NLGN4X: variants seen among roughly 807,000 people sequenced by gnomAD.
The protein encoded by NLGN4X is neuroligin-4, X-linked.
Under a neutral mutation model 40.3 loss-of-function variants are expected in NLGN4X, and 3 were observed. The observed-to-expected ratio is 0.07, with a 90% CI of 0.03 to 0.19. The LOEUF (loss-of-function observed/expected upper bound fraction) is 0.19, where lower values mean the gene tolerates loss of function less well. Ranked by LOEUF, NLGN4X falls within the 10% of genes least tolerant of loss-of-function variation. The pLI is 1.00. For synonymous variants in NLGN4X, 270 were observed against 306.8 expected (o/e 0.88, Z 1.25); for missense variants, 382 against 708.3 (o/e 0.54, Z 5.23).
chrX:5,910,745 G>A (rs1465261460), intron 3 of NLGN4X, among the ~76,000 whole-genome samples: 3 of 111,413 alleles, frequency 2.7e-5, no homozygotes, highest in East Asian at 2.8e-4. Flanking sequence ...GTCACAGGAC[G>A]ATTTTCGTTC....
At chrX:6,003,856 G>A (rs192982392) in intron 3 of NLGN4X, among the ~76,000 whole-genome samples, 6 of 111,407 alleles carry the variant, frequency 5.4e-5, no homozygotes, top group African/African-American at 1.3e-4. Flanking sequence ...CAGGGGTTGC[G>A]GGCTACCCTC....
intron 1 of NLGN4X, among the ~76,000 whole-genome samples, chrX:6,205,356 C>G (rs1033513792): frequency 8.9e-6 from 1 of 112,287 alleles, no homozygotes; most frequent in Non-Finnish European, 1.9e-5. Flanking sequence ...CTGAGCAGCC[C>G]AGTGCCTGCC....
At chrX:6,142,627 G>A (rs1402148276) in intron 2 of NLGN4X, among the ~76,000 whole-genome samples, 1 of 112,126 alleles carries the variant, frequency 8.9e-6, no homozygotes, top group Non-Finnish European at 1.9e-5. Context: ...CCTATATTTT[G>A]TGACTGTATG....
At chrX:6,118,420 G>C (rs72609512) in intron 2 of NLGN4X, among the ~76,000 whole-genome samples, 9,798 of 111,311 alleles carry the variant, frequency 0.088, 353 homozygotes, top group East Asian at 0.17. Context: ...CAATCTCCCT[G>C]TTGTCAGCAC....
intron 3 of NLGN4X, among the ~76,000 whole-genome samples, chrX:5,943,318 T>C (rs180806072): frequency 5.7e-4 from 64 of 111,579 alleles, no homozygotes; most frequent in Non-Finnish European, 9.4e-4. Flanking sequence ...CAAATGTTCC[T>C]GGAAGTGGAT....
At chrX:6,024,578 T>TA (rs111543378) in intron 3 of NLGN4X, among the ~76,000 whole-genome samples, 13 of 108,006 alleles carry the variant, frequency 1.2e-4, no homozygotes, top group East Asian at 2.9e-4. Flanking sequence ...AAGGATGCAG[T>TA]AAAAAAAAAC....
At chrX:5,969,002 C>T (rs72627595) in intron 3 of NLGN4X, among the ~76,000 whole-genome samples, 19,021 of 110,889 alleles carry the variant, frequency 0.17, 1,223 homozygotes, top group East Asian at 0.27. Context: ...AACTTCCTTA[C>T]ACCTTACACA....
chrX:5,971,702 T>C (rs913587429), intron 3 of NLGN4X, among the ~76,000 whole-genome samples: 1 of 111,760 alleles, frequency 8.9e-6, no homozygotes, highest in Non-Finnish European at 1.9e-5. Context: ...AAATCCTCAT[T>C]TGGACATGCA....
rs1416129663 is a variant in NLGN4X at position 6,036,377 on chromosome X, T to C, written c.473-6945A>G. Among the ~76,000 whole-genome samples the C allele has an allele frequency of 3.6e-5, 4 of 111,727 alleles. No individual in the cohort carries two copies. In the East Asian group the frequency reaches 1.1e-3, roughly 31 times the overall value. On this transcript the variant is annotated intron_variant, in intron 2 of 5. Coordinates refer to ENST00000381095, the MANE Select transcript of NLGN4X (RefSeq NM_181332.3). ...GACCCAGAAACATAATTAGATGCTG[T>C]CTTTCCTGTTCTACGTATATTTAAT...
At position 6,228,813 on chromosome X, in the gene NLGN4X, T is replaced by C. The variant is rs1269387775; in HGVS notation, c.-578A>G. ...ATTGAAGCAGGAAGGGCCAAGCTAG[T>C]GGCTGAATAAGAGCTCTGTGCTAAG... On this transcript the variant is annotated 5_prime_UTR_variant, in exon 1 of 6. Transcript: ENST00000381095. 8.9e-6 allele frequency: 1 copy of C among 111,732 alleles called. No individual in the cohort carries two copies. Among genetic ancestry groups the C allele is most frequent in the Non-Finnish European group, 1.9e-5 (1 of 53,194 alleles). The allele number at this position is 111,732 out of a possible 1,213,427, so 9.2% of individuals were successfully genotyped here. A position where few individuals can be genotyped will look rare whatever the true frequency, so the allele number is the denominator to read the frequency against.
intron 2 of NLGN4X, among the ~76,000 whole-genome samples, chrX:6,126,459 T>G (rs979989640): frequency 3.6e-5 from 4 of 111,633 alleles, no homozygotes; most frequent in African/African-American, 9.8e-5. Context: ...ACCATGTAAT[T>G]TAACAGAAAA....
intron 3 of NLGN4X, among the ~76,000 whole-genome samples, chrX:6,016,945 T>A (rs1026676774): frequency 9.0e-6 from 1 of 111,543 alleles, no homozygotes; most frequent in Admixed American, 9.5e-5. Context: ...AGATAGTTAG[T>A]GGAAGCCTAT....
chrX:6,056,934 G>C (rs1251987882), intron 2 of NLGN4X, among the ~76,000 whole-genome samples: 2 of 111,923 alleles, frequency 1.8e-5, no homozygotes, highest in Non-Finnish European at 3.8e-5. Flanking sequence ...AACTGGATCA[G>C]TGTACAGATC....
chrX:6,027,028 T>C (rs2036715619), intron 3 of NLGN4X, among the ~76,000 whole-genome samples: 1 of 111,827 alleles, frequency 8.9e-6, no homozygotes, highest in Admixed American at 9.5e-5. Flanking sequence ...TCATCACGCA[T>C]GCAACAGAAT....
chrX:5,976,459 T>C (rs1208862584), intron 3 of NLGN4X, among the ~76,000 whole-genome samples: 1 of 112,285 alleles, frequency 8.9e-6, no homozygotes, highest in Non-Finnish European at 1.9e-5. Context: ...ATTCAGTGAC[T>C]AATGAAACTT....
chrX:6,106,975 T>C (rs1172760084), intron 2 of NLGN4X, among the ~76,000 whole-genome samples: 3 of 112,796 alleles, frequency 2.7e-5, no homozygotes, highest in Non-Finnish European at 5.6e-5. Context: ...TTAAGCACTC[T>C]TGAAATTCAT....
chrX:6,168,757 C>T (rs1032816615), intron 1 of NLGN4X, among the ~76,000 whole-genome samples: 4 of 111,585 alleles, frequency 3.6e-5, no homozygotes, highest in Non-Finnish European at 7.5e-5. Flanking sequence ...TAGGCGTGAG[C>T]CACTGCACCT....
intron 1 of NLGN4X, among the ~76,000 whole-genome samples, chrX:6,189,183 C>T (rs774451015): frequency 8.9e-6 from 1 of 112,177 alleles, no homozygotes; most frequent in Non-Finnish European, 1.9e-5. Context: ...TGTGTCTCCA[C>T]GAAATCCTCC....
chrX:6,140,471 C>G (rs5916314), intron 2 of NLGN4X, among the ~76,000 whole-genome samples: 5 of 77,921 alleles, frequency 6.4e-5, no homozygotes, highest in Non-Finnish European at 1.3e-4. Flanking sequence ...CACACACACA[C>G]ACACACACAC....
Sources: allele counts gnomAD v4.1 joint callset (sites outside exome capture counted in the v4.1 genomes callset), GRCh38; gene constraint gnomAD v4.1.1; transcripts MANE v1.5; gene names NCBI Gene and HGNC (gene_info 2026-07-23, HGNC 2026-07-21).